The following MACROD2 variants were observed in gnomAD, a reference collection of about 807,000 sequenced individuals.
MACROD2 encodes mono-ADP ribosylhydrolase 2.
Under a neutral mutation model 70.4 loss-of-function variants are expected in MACROD2, and 36 were observed. The ratio of observed to expected loss-of-function variants is 0.51; its 90% CI spans 0.39 to 0.68. MACROD2 has a LOEUF of 0.68. Among genes scored for constraint, MACROD2 ranks in the 30% least tolerant of loss-of-function variants. The probability of loss-of-function intolerance (pLI) is 0.00; values close to 1 mark genes in which losing one functional copy is unlikely to be tolerated. For synonymous variants in MACROD2, 172 were observed against 178.8 expected (o/e 0.96, Z 0.30); for missense variants, 496 against 538.4 (o/e 0.92, Z 0.78).
intron 12 of MACROD2, among the ~76,000 whole-genome samples, chr20:15,949,148 C>G (rs953243272): frequency 6.6e-6 from 1 of 152,074 alleles, no homozygotes; most frequent in African/African-American, 2.4e-5. Flanking sequence ...GCTTGTGCCT[C>G]CGTTTTCTGA....
At chr20:14,575,941 AG>A (rs1348669938) in intron 4 of MACROD2, among the ~76,000 whole-genome samples, 1 of 152,202 alleles carries the variant, frequency 6.6e-6, no homozygotes, top group Non-Finnish European at 1.5e-5. Context: ...ACTTATTTGA[AG>A]AGAGTTGCAT....
intron 4 of MACROD2, among the ~76,000 whole-genome samples, chr20:14,665,654 T>C (rs1264459450): frequency 6.6e-6 from 1 of 152,092 alleles, no homozygotes; most frequent in Non-Finnish European, 1.5e-5. Flanking sequence ...AGTTCAATCA[T>C]ATTGGAATAA....
At chr20:14,325,515 T>C (rs1191386920) in intron 3 of MACROD2, 7 of 1,559,668 alleles carry the variant, frequency 4.5e-6, no homozygotes, top group Non-Finnish European at 6.1e-6. Context: ...TCCCTTAGGT[T>C]TAAAAAACCC....
chr20:15,210,135 T>A (rs2076748755), intron 5 of MACROD2, among the ~76,000 whole-genome samples: 1 of 152,218 alleles, frequency 6.6e-6, no homozygotes, highest in South Asian at 2.1e-4. Context: ...GTCAATTGAC[T>A]AGTTTGCACT....
chr20:14,038,765 G>A (rs1162109666), intron 2 of MACROD2, among the ~76,000 whole-genome samples: 2 of 151,946 alleles, frequency 1.3e-5, no homozygotes, highest in East Asian at 1.9e-4. Flanking sequence ...ATCACTGAAC[G>A]TTGTCTCAGC....
intron 8 of MACROD2, among the ~76,000 whole-genome samples, chr20:15,620,125 T>C (rs1238487339): frequency 6.6e-6 from 1 of 152,142 alleles, no homozygotes; most frequent in East Asian, 1.9e-4. Flanking sequence ...ACTCAGAAGA[T>C]ATGTGACTGC....
intron 8 of MACROD2, among the ~76,000 whole-genome samples, chr20:15,600,784 A>G (rs899282990): frequency 6.6e-6 from 1 of 151,892 alleles, no homozygotes; most frequent in Non-Finnish European, 1.5e-5. Context: ...ATATCTGCAG[A>G]AAAAAAATGC....
chr20:15,592,942 C>T (rs2048698053), intron 8 of MACROD2, among the ~76,000 whole-genome samples: 1 of 152,190 alleles, frequency 6.6e-6, no homozygotes, highest in Admixed American at 6.5e-5. Flanking sequence ...ACTTCAATCT[C>T]GGTAGTTCAG....
intron 8 of MACROD2, among the ~76,000 whole-genome samples, chr20:15,720,456 C>T (rs12624386): frequency 0.11 from 16,668 of 152,146 alleles, 990 homozygotes; most frequent in East Asian, 0.19. Context: ...TATCCTTCTG[C>T]CTTCTCTGCA....
At chr20:15,459,182 T>C (rs2046774835) in intron 7 of MACROD2, among the ~76,000 whole-genome samples, 2 of 152,144 alleles carry the variant, frequency 1.3e-5, no homozygotes, top group African/African-American at 4.8e-5. Flanking sequence ...TAAAAATTTT[T>C]CCATGATAAA....
chr20:14,058,441 C>CA (rs10715069), intron 2 of MACROD2, among the ~76,000 whole-genome samples: 265 of 148,258 alleles, frequency 1.8e-3, no homozygotes, highest in African/African-American at 6.1e-3. Context: ...TAGAAAAATA[C>CA]AAAAAAAAAA....
intron 8 of MACROD2, among the ~76,000 whole-genome samples, chr20:15,556,799 G>A (rs1188641581): frequency 6.6e-6 from 1 of 152,172 alleles, no homozygotes. Context: ...CCCTCACTGT[G>A]TTCTGACTTC....
chr20:14,265,534 GT>G (rs1411783806), intron 3 of MACROD2, among the ~76,000 whole-genome samples: 2 of 151,690 alleles, frequency 1.3e-5, no homozygotes, highest in East Asian at 1.9e-4. Flanking sequence ...TTTTACAATA[GT>G]TTTTTTCACA....
chr20:15,974,894 C>T (rs2066282886), intron 13 of MACROD2, among the ~76,000 whole-genome samples: 1 of 151,664 alleles, frequency 6.6e-6, no homozygotes, highest in South Asian at 2.1e-4. Context: ...CAGTATATTG[C>T]ATAAAAGAGG....
chr20:14,729,705 G>T (rs1211824524), intron 5 of MACROD2, among the ~76,000 whole-genome samples: 1 of 152,010 alleles, frequency 6.6e-6, no homozygotes, highest in Non-Finnish European at 1.5e-5. Context: ...GAAAATGAGA[G>T]TCCTTGTTAA....
chr20:15,441,141 T>G (rs936370810), intron 7 of MACROD2, among the ~76,000 whole-genome samples: 33 of 152,186 alleles, frequency 2.2e-4, no homozygotes, highest in African/African-American at 7.7e-4. Flanking sequence ...CAATTGTTTC[T>G]AACCCTGAGT....
chr20:15,751,953 C>T (rs2051278318), intron 8 of MACROD2, among the ~76,000 whole-genome samples: 1 of 151,704 alleles, frequency 6.6e-6, no homozygotes, highest in Non-Finnish European at 1.5e-5. Context: ...ATTTCTATTA[C>T]TCTCCACTCT....
intron 3 of MACROD2, among the ~76,000 whole-genome samples, chr20:14,382,272 G>A (rs1171150206): frequency 6.6e-6 from 1 of 151,790 alleles, no homozygotes; most frequent in Non-Finnish European, 1.5e-5. Context: ...ATGTTAGCCA[G>A]GATGGTCTCG....
At chr20:14,208,182 G>A (rs1352202277) in intron 3 of MACROD2, among the ~76,000 whole-genome samples, 2 of 152,174 alleles carry the variant, frequency 1.3e-5, no homozygotes, top group Non-Finnish European at 2.9e-5. Context: ...CCTTTGGGGA[G>A]AGTAGTGATT....
Sources: allele counts gnomAD v4.1 joint callset (sites outside exome capture counted in the v4.1 genomes callset), GRCh38; gene constraint gnomAD v4.1.1; transcripts MANE v1.5; gene names NCBI Gene and HGNC (gene_info 2026-07-23, HGNC 2026-07-21).